The following CHD2 variants were observed in gnomAD, a reference collection of about 807,000 sequenced individuals.
The protein encoded by CHD2 is chromodomain helicase DNA binding protein 2, also known as ATP-dependent chromatin remodeler CHD2.
A neutral mutation model predicts 243.9 loss-of-function variants in CHD2; 28 were observed. The ratio of observed to expected loss-of-function variants is 0.11; its 90% CI spans 0.09 to 0.16. The LOEUF (loss-of-function observed/expected upper bound fraction) is 0.16. Ranked by LOEUF, CHD2 falls within the 10% of genes least tolerant of loss-of-function variation. The probability of loss-of-function intolerance (pLI) is 1.00; values close to 1 mark genes in which losing one functional copy is unlikely to be tolerated. For synonymous variants in CHD2, 775 were observed against 779.0 expected (o/e 0.99, Z 0.09); for missense variants, 1,386 against 2,209.8 (o/e 0.63, Z 7.47).
chr15:92,967,303 C>T, intron 16 of CHD2, 22 bp from the exon 17 acceptor site: 1 of 1,556,608 alleles, frequency 6.4e-7, no homozygotes, highest in Non-Finnish European at 8.7e-7. Context: ...GGCTAAATAA[C>T]ACTATACTGT....
chr15:93,011,297 T>G (rs1345830223), intron 35 of CHD2, among the ~76,000 whole-genome samples: 1 of 152,120 alleles, frequency 6.6e-6, no homozygotes, highest in Non-Finnish European at 1.5e-5. Flanking sequence ...AGTGGAAGTG[T>G]TGAGAAGGAA....
At chr15:92,987,243 A>G (rs1051364949) in intron 26 of CHD2, among the ~76,000 whole-genome samples, 4 of 151,786 alleles carry the variant, frequency 2.6e-5, no homozygotes, top group African/African-American at 7.3e-5. Flanking sequence ...TTTAATTCCT[A>G]TTTTCAGTTT....
At chr15:92,901,470 T>G (rs1409798284) in intron 2 of CHD2, 171 bp downstream of exon 2, 2 of 605,656 alleles carry the variant, frequency 3.3e-6, no homozygotes, top group Admixed American at 6.2e-5. Flanking sequence ...CACACCCTAA[T>G]TTTTTGGTAG....
chr15:92,977,468 T>C (rs1772407455), intron 20 of CHD2, among the ~76,000 whole-genome samples: 1 of 152,224 alleles, frequency 6.6e-6, no homozygotes, highest in South Asian at 2.1e-4. Context: ...TTTTGACATA[T>C]ATGATTAAAT....
Position 93,009,310 on chromosome 15 carries a change from A to C in CHD2, c.4579A>C (p.Lys1527Gln), listed in dbSNP as rs2054360882. The C allele has an allele frequency of 6.2e-7, 1 of 1,614,012 alleles. No individual in the cohort carries two copies. Among genetic ancestry groups the C allele is most frequent in the South Asian group, 1.1e-5 (1 of 91,080 alleles). ...AGCCTACTCAGATCAGGAGCACATC[A>C]AACTCTGGAGGAGGTAACCACTTTG... ...LKAYSDQEHI[K>Q]LWRRNLWIFV... Residue 1527 changes from lysine to glutamine, a missense_variant, in exon 35 of 39, where the codon AAA (lysine) becomes CAA (glutamine). Around this residue, in one of 19 missense-constraint regions of CHD2, gnomAD observed 42 missense variants for 47.6 expected, o/e 0.88. Coordinates refer to ENST00000394196, the MANE Select transcript of CHD2 (RefSeq NM_001271.4).
chr15:92,912,998 A>G (rs902279795), intron 2 of CHD2, among the ~76,000 whole-genome samples: 2 of 152,266 alleles, frequency 1.3e-5, no homozygotes, highest in African/African-American at 4.8e-5. Flanking sequence ...GCTTAAAAAA[A>G]AGTCTGTTCC....
chr15:93,023,399 T>C (rs2054556015), intron 38 of CHD2, among the ~76,000 whole-genome samples: 1 of 152,272 alleles, frequency 6.6e-6, no homozygotes, highest in Non-Finnish European at 1.5e-5. Context: ...TACCACATTT[T>C]GTTTATCCAT....
At position 92,924,519 on chromosome 15, in the gene CHD2, C is replaced by G. The variant is rs367968143; in HGVS notation, c.261C>G (p.Ala87=). 124 of 1,614,048 alleles carry G rather than the reference C, an allele frequency of 7.7e-5. No individual in the cohort carries two copies. The highest frequency in any genetic ancestry group is 1.8e-5 in the Non-Finnish European group (21 of 1,180,024). The change falls in exon 3 of 39, where the codon GCC becomes GCG. Residue 87 remains alanine (A), a synonymous_variant. Transcript: ENST00000394196. ...TCCCAGAAGCCAAAGAGAAGCCAGCCTCTAAGAAGGAACGGATAGCTGATG... is the reference window on the plus strand; with the variant it reads ...TCCCAGAAGCCAAAGAGAAGCCAGCGTCTAAGAAGGAACGGATAGCTGATG... The part of the protein sequence containing the change: ...PVLPEAKEKP[A]SKKERIADVK...
At chr15:92,933,092 T>C (rs1596386695) in intron 5 of CHD2, among the ~76,000 whole-genome samples, 1 of 149,324 alleles carries the variant, frequency 6.7e-6, no homozygotes, top group East Asian at 2.0e-4. Context: ...CCTCTATTGG[T>C]GCACATGTGT....
intron 21 of CHD2, among the ~76,000 whole-genome samples, chr15:92,978,695 T>C (rs1267431510): frequency 1.3e-5 from 2 of 152,244 alleles, no homozygotes; most frequent in East Asian, 3.8e-4. Context: ...AAAAGTTAAA[T>C]ATCCTATTGT....
intron 28 of CHD2, among the ~76,000 whole-genome samples, chr15:92,994,001 AGAAAT>A (rs1397497018): frequency 6.6e-6 from 1 of 152,206 alleles, no homozygotes; most frequent in Non-Finnish European, 1.5e-5. Flanking sequence ...TAAAAAATAA[AGAAAT>A]GAAGTTATTA....
chr15:92,992,614 CTGTT>C (rs929338713), intron 27 of CHD2, among the ~76,000 whole-genome samples: 1 of 152,136 alleles, frequency 6.6e-6, no homozygotes, highest in Non-Finnish European at 1.5e-5. Flanking sequence ...TCTTTCCTCT[CTGTT>C]TTTTGGAATT....
chr15:92,906,257 C>T (rs1027415490), intron 2 of CHD2, among the ~76,000 whole-genome samples: 2 of 151,956 alleles, frequency 1.3e-5, no homozygotes, highest in African/African-American at 4.8e-5. Flanking sequence ...CTCTCTTTCT[C>T]TCTCTCTCTC....
intron 37 of CHD2, 121 bp downstream of exon 37, chr15:93,015,030 G>A: frequency 1.3e-6 from 1 of 780,778 alleles, no homozygotes. Flanking sequence ...ACACTTTATT[G>A]TCCTCTCTTT....
At chr15:92,925,427 T>C (rs2053040622) in intron 3 of CHD2, among the ~76,000 whole-genome samples, 1 of 152,248 alleles carries the variant, frequency 6.6e-6, no homozygotes, top group East Asian at 1.9e-4. Context: ...AATTTTAGGA[T>C]GTAAACATTA....
intron 2 of CHD2, among the ~76,000 whole-genome samples, chr15:92,915,901 A>G (rs1278547008): frequency 5.3e-5 from 8 of 152,198 alleles, no homozygotes; most frequent in Non-Finnish European, 1.2e-4. Flanking sequence ...CTTGTGGACA[A>G]AGAACTCAAA....
rs76698607 is a variant in CHD2 at position 92,967,161 on chromosome 15, T to A, written c.2001-164T>A. On this transcript the variant is annotated intron_variant, in intron 16 of 38. Transcript: ENST00000394196. ...TATTATCCAGTGTAGACTGATGGAG[T>A]TGATTTCATTTTACTTTTCCCCTTT... Among the ~76,000 whole-genome samples, 995 of 152,300 alleles carry A rather than the reference T, an allele frequency of 6.5e-3. 11 individuals are homozygous for A. The highest frequency in any genetic ancestry group is 0.023 in the African/African-American group (962 of 41,550).
At chr15:92,976,059 C>T (rs1033749585) in intron 20 of CHD2, among the ~76,000 whole-genome samples, 1 of 152,084 alleles carries the variant, frequency 6.6e-6, no homozygotes, top group African/African-American at 2.4e-5. Flanking sequence ...ATCACATTGC[C>T]CAGTGCATAG....
chr15:92,993,318 T>G (rs1350063221), intron 28 of CHD2: 1 of 252,692 alleles, frequency 4.0e-6, no homozygotes, highest in Non-Finnish European at 7.8e-6. Context: ...GTATTTTGGC[T>G]GCAAATAAGA....
Sources: allele counts gnomAD v4.1 joint callset (sites outside exome capture counted in the v4.1 genomes callset), GRCh38; gene constraint gnomAD v4.1.1; regional missense constraint gnomAD v4.1.1; transcripts MANE v1.5; gene names NCBI Gene and HGNC (gene_info 2026-07-23, HGNC 2026-07-21).